Variants in TRIO observed in about 807,000 individuals in gnomAD.
The protein encoded by TRIO is triple functional domain protein.
Under a neutral mutation model 351.9 loss-of-function variants are expected in TRIO, and 58 were observed. The observed-to-expected ratio is 0.16, with a 90% CI of 0.13 to 0.21. The LOEUF (loss-of-function observed/expected upper bound fraction) is 0.21. Among genes scored for constraint, TRIO ranks in the 10% least tolerant of loss-of-function variants. The pLI is 1.00. For missense variants in TRIO, 3,201 were observed against 4,027.8 expected (o/e 0.79, Z 5.56); for synonymous variants, 1,758 against 1,595.7 (o/e 1.10, Z -2.42).
At chr5:14,143,927 C>G (rs2152110730) in intron 1 of TRIO, 45 bp downstream of exon 1, 1 of 1,045,388 alleles carries the variant, frequency 9.6e-7, no homozygotes, top group African/African-American at 1.7e-5. Flanking sequence ...CTGCCCCAAG[C>G]GCTCGGCCGA....
At chr5:14,505,328 C>A (rs939512049) in intron 55 of TRIO, among the ~76,000 whole-genome samples, 3 of 152,244 alleles carry the variant, frequency 2.0e-5, no homozygotes, top group Non-Finnish European at 4.4e-5. Context: ...GGGACAACCC[C>A]CATGGATTCA....
intron 13 of TRIO, among the ~76,000 whole-genome samples, chr5:14,363,372 C>T (rs534312233): frequency 1.3e-5 from 2 of 151,898 alleles, no homozygotes; most frequent in African/African-American, 4.8e-5. Context: ...GCTTCTCTTA[C>T]TATTTTTGAA....
Position 14,487,596 on chromosome 5 carries a change from GCCCCAGCAGCTGCGGCGGCGC to G in TRIO, c.6977_6997del (p.Ser2326_Ser2332del), listed in dbSNP as rs779784097. On this transcript the variant is annotated inframe_deletion, in exon 48 of 57. Transcript: ENST00000344204. ...AGTGGCGGCAGCGGCCACAGTGGCG[GCCCCAGCAGCTGCGGCGGCGC>G]CCCCAGCACGAGCAGGAGCCGGCCC... 7 of 1,160,592 alleles carry G rather than the reference GCCCCAGCAGCTGCGGCGGCGC, an allele frequency of 6.0e-6. No homozygotes were observed. In the East Asian group the frequency reaches 1.7e-4, roughly 29 times the overall value. The allele number at this position is 1,160,592 out of a possible 1,614,324, so 71.9% of individuals were successfully genotyped here.
chr5:14,280,786 A>G (rs574267023), intron 3 of TRIO, among the ~76,000 whole-genome samples: 105 of 152,318 alleles, frequency 6.9e-4, no homozygotes, highest in South Asian at 1.9e-3. Flanking sequence ...GCTTTTGACA[A>G]TGCATTTCTG....
At chr5:14,376,796 T>C (rs1745603771) in intron 19 of TRIO, among the ~76,000 whole-genome samples, 3 of 152,200 alleles carry the variant, frequency 2.0e-5, no homozygotes, top group South Asian at 4.1e-4. Context: ...CATGCACCTT[T>C]TCAGTGTCAT....
intron 1 of TRIO, among the ~76,000 whole-genome samples, chr5:14,228,430 T>G (rs2152217954): frequency 6.6e-6 from 1 of 152,318 alleles, no homozygotes; most frequent in East Asian, 1.9e-4. Flanking sequence ...ACAAATGGCT[T>G]GAGAATGTCA....
intron 48 of TRIO, among the ~76,000 whole-genome samples, chr5:14,490,256 A>G (rs1178317640): frequency 6.6e-6 from 1 of 152,178 alleles, no homozygotes; most frequent in Non-Finnish European, 1.5e-5. Context: ...TCCAGCCTGG[A>G]TGACAGAGGG....
intron 42 of TRIO, 33 bp from the exon 43 acceptor site, chr5:14,479,886 C>G: frequency 6.2e-7 from 1 of 1,604,332 alleles, no homozygotes. Flanking sequence ...AATGAACAGC[C>G]CATACGATCT....
At chr5:14,203,566 A>G (rs1791270315) in intron 1 of TRIO, among the ~76,000 whole-genome samples, 1 of 152,270 alleles carries the variant, frequency 6.6e-6, no homozygotes, top group Admixed American at 6.5e-5. Context: ...TTTTATGGAA[A>G]TGACCTTTTT....
At chr5:14,348,538 A>G (rs1171142210) in intron 11 of TRIO, among the ~76,000 whole-genome samples, 1 of 151,810 alleles carries the variant, frequency 6.6e-6, no homozygotes, top group South Asian at 2.1e-4. Context: ...TCCTGCTTGT[A>G]TATGTGTGTG....
At chr5:14,402,846 A>C (rs952652818) in intron 31 of TRIO, among the ~76,000 whole-genome samples, 11 of 151,838 alleles carry the variant, frequency 7.2e-5, no homozygotes, top group African/African-American at 2.7e-4. Context: ...AGGCGGTGGT[A>C]GTGCTAGTGC....
chr5:14,361,148 GT>G (rs1218081877), intron 13 of TRIO, among the ~76,000 whole-genome samples: 2 of 151,292 alleles, frequency 1.3e-5, no homozygotes, highest in African/African-American at 2.4e-5. Flanking sequence ...ATTAGTTGCA[GT>G]TTTTCTTCCA....
chr5:14,469,822 C>T (rs1754549572), intron 37 of TRIO, among the ~76,000 whole-genome samples: 1 of 152,248 alleles, frequency 6.6e-6, no homozygotes, highest in Admixed American at 6.5e-5. Flanking sequence ...CCCATGGACA[C>T]TGATGAAGTC....
At chr5:14,399,704 C>G (rs1747907805) in intron 30 of TRIO, among the ~76,000 whole-genome samples, 1 of 152,184 alleles carries the variant, frequency 6.6e-6, no homozygotes, top group South Asian at 2.1e-4. Flanking sequence ...ATACCTGCTG[C>G]CATTTTGTGA....
rs754050792 is a variant in TRIO at position 14,498,598 on chromosome 5, G to A, written c.8290G>A (p.Asp2764Asn). The A allele has an allele frequency of 1.2e-6, 2 of 1,614,240 alleles. No individual in the cohort carries two copies. Among genetic ancestry groups the A allele is most frequent in the South Asian group, 1.1e-5 (1 of 91,090 alleles). The change falls in exon 53 of 57, where the codon GAC becomes AAC. Residue 2764 changes from aspartate to asparagine, a missense_variant. This residue lies in a region of TRIO where 1,089 missense variants were observed against 954.9 expected (regional missense o/e 1.14). Transcript: ENST00000344204. ...CATCTACACGTGCATCGCTGTCAAT[G>A]ACATGGGTTCAGCCTCATCGTCGGC... ...DGIYTCIAVN[D>N]MGSASSSASL...
chr5:14,281,360 C>T (rs1458327466), intron 3 of TRIO, among the ~76,000 whole-genome samples: 1 of 151,010 alleles, frequency 6.6e-6, no homozygotes, highest in African/African-American at 2.5e-5. Flanking sequence ...CACTTTTAAA[C>T]AACCAGATCT....
intron 1 of TRIO, among the ~76,000 whole-genome samples, chr5:14,158,755 T>G (rs1788259610): frequency 1.3e-5 from 2 of 152,132 alleles, no homozygotes; most frequent in Admixed American, 6.6e-5. Context: ...TGCTTGAGCC[T>G]AGGAGTTTGA....
intron 1 of TRIO, among the ~76,000 whole-genome samples, chr5:14,237,747 A>G (rs758689375): frequency 6.6e-6 from 1 of 152,178 alleles, no homozygotes; most frequent in Non-Finnish European, 1.5e-5. Context: ...CTCTAAGTAG[A>G]TCTTTTGATT....
chr5:14,488,942 T>G, intron 48 of TRIO: 1 of 763,994 alleles, frequency 1.3e-6, no homozygotes. Context: ...CCATCACTCA[T>G]GCTGCCGTCT....
Sources: allele counts gnomAD v4.1 joint callset (sites outside exome capture counted in the v4.1 genomes callset), GRCh38; gene constraint gnomAD v4.1.1; regional missense constraint gnomAD v4.1.1; transcripts MANE v1.5; gene names NCBI Gene and HGNC (gene_info 2026-07-23, HGNC 2026-07-21).